The following COX18 variants were observed in gnomAD, a reference collection of about 807,000 sequenced individuals.
The protein encoded by COX18 is cytochrome c oxidase assembly factor COX18.
In COX18, 45 loss-of-function variants were observed where a neutral mutation model predicts 38.0. The ratio of observed to expected loss-of-function variants is 1.18; its 90% CI spans 0.93 to 1.52. The LOEUF (loss-of-function observed/expected upper bound fraction) is 1.52, where lower values mean the gene tolerates loss of function less well. Ranked by LOEUF, COX18 falls within the 40% of genes most tolerant of loss-of-function variation. The pLI, the probability that COX18 is intolerant of heterozygous loss-of-function variation, is 0.00. For synonymous variants in COX18, 177 were observed against 169.8 expected, an observed-to-expected ratio of 1.04 and a Z score of -0.33; for missense variants, 462 against 423.8, an observed-to-expected ratio of 1.09 and a Z score of -0.79.
chr4:73,063,976 T>A (rs1720303540), intron 4 of COX18, among the ~76,000 whole-genome samples: 2 of 152,134 alleles, frequency 1.3e-5, no homozygotes, highest in African/African-American at 4.8e-5. Context: ...AAGCAGCCTG[T>A]GATAAGGGTT....
At chr4:73,058,844 C>T (rs1448836966) in intron 5 of COX18, among the ~76,000 whole-genome samples, 1 of 152,172 alleles carries the variant, frequency 6.6e-6, no homozygotes, top group Non-Finnish European at 1.5e-5. Flanking sequence ...TGGTCCCCAA[C>T]ATTTTTGACA....
chr4:73,061,837 T>C lies in COX18; in HGVS notation c.807A>G (p.Ile269Met). Residue 269 changes from isoleucine to methionine, a missense_variant, in exon 5 of 6, where the codon ATA (isoleucine) becomes ATG (methionine). Ile to Met is a conservative substitution (Grantham distance 10). Transcript: ENST00000507544. ...YFVRAMSVLM[I>M]PIAATVPSSI... ...CTGAGGGTACCGTTGCAGCAATTGG[T>C]ATCATCAACACCGACATTGCACGGA... 6.8e-6 allele frequency: 11 copies of C among 1,612,478 alleles called. No homozygotes were observed. Among genetic ancestry groups the C allele is most frequent in the Non-Finnish European group, 9.3e-6 (11 of 1,178,686 alleles).
Position 73,060,020 on chromosome 4 carries a change from G to A in COX18, c.832-1733C>T, listed in dbSNP as rs72861814. On this transcript the variant is annotated intron_variant, in intron 5 of 5. Coordinates refer to ENST00000507544, the MANE Select transcript of COX18 (RefSeq NM_001297732.2). ...CATCTGGCAAGTCTCCTTAAAAGGG[G>A]CTGACTGCACTTGAGGCACCCTTTT... 3.0e-3 allele frequency among the ~76,000 whole-genome samples: 450 copies of A among 152,258 alleles called. 4 individuals carry two copies. Among genetic ancestry groups the A allele is most frequent in the African/African-American group, 0.01 (427 of 41,544 alleles).
chr4:73,069,700 T>C lies in COX18; in HGVS notation c.-51A>G. On this transcript the variant is annotated 5_prime_UTR_variant, in exon 1 of 6. An upstream start codon of the reference 5' UTR is lost. Transcript: ENST00000507544. ...CCCGGGCCTCACAATCCAGCGGACA[T>C]ACACCGGCCAGCCAAGGCTGATACG... 6.6e-7 allele frequency: 1 copy of C among 1,509,482 alleles called. No individual in the cohort carries two copies. Among genetic ancestry groups the C allele is most frequent in the Non-Finnish European group, 8.9e-7 (1 of 1,123,446 alleles). 93.5% of individuals were successfully genotyped at this position (1,509,482 alleles called of 1,614,324 possible). A position where few individuals can be genotyped will look rare whatever the true frequency, so the allele number is the denominator to read the frequency against.
chr4:73,052,460 AAATAAAAT>A lies in COX18; in HGVS notation c.*5646_*5653del, dbSNP rs1375397748. The A allele has an allele frequency of 6.6e-6, 1 of 152,160 alleles. No homozygotes were observed. The highest frequency in any genetic ancestry group is 6.5e-5 in the Admixed American group (1 of 15,284). The allele number at this position is 152,160 out of a possible 1,614,324, so 9.4% of individuals were successfully genotyped here. On this transcript the variant is annotated 3_prime_UTR_variant, in exon 6 of 6. Transcript: ENST00000507544. The stretch of plus-strand genomic sequence containing the variant: ...CACAGCGTTCCAGAAACTTTTGGGT[AAATAAAAT>A]TATCTGACTTTAATGCTGTGGCTTT...
intron 5 of COX18, among the ~76,000 whole-genome samples, chr4:73,060,850 A>G (rs1577948688): frequency 6.8e-6 from 1 of 147,754 alleles, no homozygotes; most frequent in East Asian, 2.0e-4. Flanking sequence ...ACTGCACTCC[A>G]GCCTGGGCGA....
chr4:73,061,823 G>A lies in COX18; in HGVS notation c.821C>T (p.Thr274Met), dbSNP rs138323566. 2.1e-4 allele frequency: 329 copies of A among 1,603,920 alleles called. 2 individuals are homozygous for A. The highest frequency in any genetic ancestry group is 2.0e-4 in the African/African-American group (15 of 74,726). ...TTGGTGCTTACTCACTGAGGGTACCGTTGCAGCAATTGGTATCATCAACAC... is the reference window on the plus strand; with the variant it reads ...TTGGTGCTTACTCACTGAGGGTACCATTGCAGCAATTGGTATCATCAACAC... ...MSVLMIPIAA[T>M]VPSSIVLYWL... is the part of the protein sequence containing the mutation. Residue 274 changes from threonine (T) to methionine (M), a missense_variant, in exon 5 of 6, where the codon ACG (threonine) becomes ATG (methionine). Transcript: ENST00000507544.
chr4:73,066,834 CTTT>C (rs549525929), intron 2 of COX18, among the ~76,000 whole-genome samples: 1 of 152,100 alleles, frequency 6.6e-6, no homozygotes, highest in Non-Finnish European at 1.5e-5. Context: ...AATGTCAGAT[CTTT>C]TTAACACTAA....
intron 4 of COX18, among the ~76,000 whole-genome samples, chr4:73,062,658 G>A (rs1454256347): frequency 6.6e-5 from 10 of 152,096 alleles, no homozygotes; most frequent in Non-Finnish European, 1.2e-4. Context: ...GCAACATAGC[G>A]AAACCATCTC....
In COX18 at chr4:73,061,940, A is replaced by G; in HGVS notation, c.724-20T>C. ...ACAAATCTGAAGGGGTAGAACATATACATGCATAATGATTATTAAAACGCA... is the reference window on the plus strand; with the variant it reads ...ACAAATCTGAAGGGGTAGAACATATGCATGCATAATGATTATTAAAACGCA... On this transcript the variant is annotated intron_variant, in intron 4 of 5. Coordinates refer to ENST00000507544, the MANE Select transcript of COX18 (RefSeq NM_001297732.2). 2 of 1,240,674 alleles carry G rather than the reference A, an allele frequency of 1.6e-6. No homozygotes were observed. The highest frequency in any genetic ancestry group is 2.4e-6 in the Non-Finnish European group (2 of 847,658). The allele number at this position is 1,240,674 out of a possible 1,614,324, so 76.9% of individuals were successfully genotyped here. A position where few individuals can be genotyped will look rare whatever the true frequency, so the allele number is the denominator to read the frequency against.
chr4:73,064,956 A>T (rs1373004021), intron 3 of COX18, 54 bp from the exon 4 acceptor site: 1 of 1,546,346 alleles, frequency 6.5e-7, no homozygotes, highest in East Asian at 2.3e-5. Flanking sequence ...GCAGAGAAAA[A>T]TATATAAGAC....
intron 4 of COX18, among the ~76,000 whole-genome samples, chr4:73,063,011 A>T (rs1720252217): frequency 6.6e-6 from 1 of 152,186 alleles, no homozygotes; most frequent in Non-Finnish European, 1.5e-5. Flanking sequence ...AATTGCTTAT[A>T]ACAATGCCTA....
chr4:73,064,627 G>T (rs1253513728), intron 4 of COX18, 151 bp downstream of exon 4: 2 of 809,538 alleles, frequency 2.5e-6, no homozygotes, highest in Non-Finnish European at 3.9e-6. Context: ...ACAGGCCTAA[G>T]CCAATGCCTG....
chr4:73,053,993 A>G lies in COX18; in HGVS notation c.*4121T>C, dbSNP rs1389598333. 1 of 152,258 alleles carries G rather than the reference A, an allele frequency of 6.6e-6. No individual in the cohort carries two copies. Among genetic ancestry groups the G allele is most frequent in the East Asian group, 1.9e-4 (1 of 5,190 alleles). 9.4% of individuals were successfully genotyped at this position (152,258 alleles called of 1,614,324 possible). ...TCCCTTCCTGACTCTTGAAATGAGA[A>G]GCATTCATTAAGACAGTGAATCTGG... is the stretch of plus-strand genomic sequence containing the variant. On this transcript the variant is annotated 3_prime_UTR_variant, in exon 6 of 6. Transcript: ENST00000507544.
At chr4:73,060,731 T>C in intron 5 of COX18, among the ~76,000 whole-genome samples, 1 of 151,826 alleles carries the variant, frequency 6.6e-6, no homozygotes, top group East Asian at 1.9e-4. Context: ...AATACAAAAA[T>C]TAGCCAAGTG....
intron 1 of COX18, chr4:73,068,544 A>C (rs1387984318): frequency 6.5e-6 from 1 of 154,952 alleles, no homozygotes; most frequent in East Asian, 1.9e-4. Flanking sequence ...CAAAAGTAAA[A>C]ATAGCATTTA....
chr4:73,060,879 CAAAA>C (rs34253453), intron 5 of COX18, among the ~76,000 whole-genome samples: 3 of 127,434 alleles, frequency 2.4e-5, no homozygotes, highest in Non-Finnish European at 1.7e-5. Context: ...GACTCCATCT[CAAAA>C]AAAAAAAAAA....
rs1318089122 is a variant in COX18, at chr4:73,053,436, A to G, written c.*4678T>C. The G allele has an allele frequency of 6.6e-6, 1 of 152,220 alleles. No homozygotes were observed. Among genetic ancestry groups the G allele is most frequent in the Non-Finnish European group, 1.5e-5 (1 of 68,066 alleles). The allele number at this position is 152,220 out of a possible 1,614,324, so 9.4% of individuals were successfully genotyped here. A position where few individuals can be genotyped will look rare whatever the true frequency, so the allele number is the denominator to read the frequency against. On this transcript the variant is annotated 3_prime_UTR_variant, in exon 6 of 6. Transcript: ENST00000507544. The stretch of plus-strand genomic sequence containing the variant: ...ATGTCTGGGAAGACTGTAATCCCAT[A>G]GTACTTAACCAATCAGAAACTGGGG...
At chr4:73,059,921 A>T (rs1720066911) in intron 5 of COX18, among the ~76,000 whole-genome samples, 1 of 151,998 alleles carries the variant, frequency 6.6e-6, no homozygotes, top group African/African-American at 2.4e-5. Context: ...AAAAAAAAAG[A>T]CTATATTTCC....
Sources: allele counts gnomAD v4.1 joint callset (sites outside exome capture counted in the v4.1 genomes callset), GRCh38; gene constraint gnomAD v4.1.1; transcripts MANE v1.5; gene names NCBI Gene and HGNC (gene_info 2026-07-23, HGNC 2026-07-21).